The following NUBP2 variants were observed in gnomAD, a reference collection of about 807,000 sequenced individuals.
The protein encoded by NUBP2 is cytosolic Fe-S cluster assembly factor NUBP2.
Under a neutral mutation model 24.9 loss-of-function variants are expected in NUBP2, and 23 were observed. The observed-to-expected ratio is 0.92, with a 90% confidence interval of 0.66 to 1.31. The LOEUF (loss-of-function observed/expected upper bound fraction) is 1.31. Among genes scored for constraint, NUBP2 ranks in the 50% most tolerant of loss-of-function variants. The probability of loss-of-function intolerance (pLI) is 0.00; values close to 1 mark genes in which losing one functional copy is unlikely to be tolerated. For missense variants in NUBP2, 403 were observed against 386.5 expected (o/e 1.04, Z -0.36); for synonymous variants, 186 against 170.9 (o/e 1.09, Z -0.69).
chr16:1,783,220 C>T (rs1002479993), intron 1 of NUBP2, 184 bp downstream of exon 1: 6 of 1,166,536 alleles, frequency 5.1e-6, no homozygotes, highest in Non-Finnish European at 6.3e-6. Flanking sequence ...CCCGCGTGCT[C>T]CTGCTTCGAT....
chr16:1,785,895 G>A, intron 1 of NUBP2: 2 of 1,286,868 alleles, frequency 1.6e-6, no homozygotes, highest in South Asian at 2.5e-5. Flanking sequence ...CTCAGCGGTG[G>A]CGCCGGGGTG....
chr16:1,787,547 T>G, intron 3 of NUBP2, 130 bp from the exon 4 acceptor site: 1 of 1,225,964 alleles, frequency 8.2e-7, no homozygotes, highest in Non-Finnish European at 1.2e-6. Context: ...GAGCCTGTGA[T>G]GGAGGCTGGT....
intron 4 of NUBP2, 49 bp downstream of exon 4, chr16:1,787,880 G>C: frequency 6.2e-7 from 1 of 1,601,350 alleles, no homozygotes; most frequent in Non-Finnish European, 8.5e-7. Flanking sequence ...TTCCCAGAGG[G>C]CTGGGCGGGT....
intron 1 of NUBP2, 93 bp from the exon 2 acceptor site, chr16:1,786,444 A>C: frequency 9.0e-7 from 1 of 1,116,330 alleles, no homozygotes; most frequent in Non-Finnish European, 1.3e-6. Context: ...TGCCCCGCTC[A>C]GAACGTGGGT....
At chr16:1,787,651 C>G in intron 3 of NUBP2, 26 bp from the exon 4 acceptor site, 1 of 1,609,318 alleles carries the variant, frequency 6.2e-7, no homozygotes, top group Non-Finnish European at 8.5e-7. Context: ...CCTGCCCTGA[C>G]CGCCCCGTCT....
chr16:1,785,647 G>T (rs894482866), intron 1 of NUBP2: 2 of 1,288,534 alleles, frequency 1.6e-6, no homozygotes, highest in Non-Finnish European at 2.0e-6. Context: ...AGGAGTGTGG[G>T]GCTGGGGCTG....
At chr16:1,786,203 G>A in intron 1 of NUBP2, 2 of 371,944 alleles carry the variant, frequency 5.4e-6, no homozygotes, top group Admixed American at 4.2e-5. Flanking sequence ...TCATGATCAT[G>A]TGACCCACGT....
At chr16:1,785,989 G>A in intron 1 of NUBP2, 3 of 1,198,960 alleles carry the variant, frequency 2.5e-6, no homozygotes, top group East Asian at 5.8e-5. Flanking sequence ...GGAAGGAAGA[G>A]GAGCTGGAGC....
In NUBP2 at chr16:1,787,769, G is replaced by A. The variant is rs752629906; in HGVS notation, c.427G>A (p.Ala143Thr). Reference protein sequence around the residue: ...TPPGTSDEHMATIEALRPYQP... With the variant: ...TPPGTSDEHMTTIEALRPYQP... Reference sequence around the variant, plus strand: ...CCCGGGGACCTCCGATGAGCACATGGCCACCATAGAAGCCCTGCGTCCCTA... The same window carrying A: ...CCCGGGGACCTCCGATGAGCACATGACCACCATAGAAGCCCTGCGTCCCTA... The change falls in exon 4 of 7, where the codon GCC becomes ACC. Residue 143 changes from alanine (A) to threonine (T), a missense_variant. By Grantham distance (58) the Ala-to-Thr change is moderately conservative (BLOSUM62 0). Coordinates refer to ENST00000262302, the MANE Select transcript of NUBP2 (RefSeq NM_012225.4). The A allele has an allele frequency of 1.9e-6, 3 of 1,612,506 alleles. No homozygotes were observed. The highest frequency in any genetic ancestry group is 2.2e-5 in the South Asian group (2 of 91,090).
intron 1 of NUBP2, chr16:1,784,737 C>T (rs913349721): frequency 6.7e-6 from 1 of 149,562 alleles, no homozygotes; most frequent in African/African-American, 2.4e-5. Context: ...AAAATATGCA[C>T]ATAAAAATTC....
chr16:1,788,579 C>T lies in NUBP2; in HGVS notation c.681C>T (p.Pro227=), dbSNP rs909795390. The part of the protein sequence containing the change: ...LAGVPFLGSV[P]LDPALMRTLE... The stretch of plus-strand genomic sequence containing the variant: ...CACTGTGCCCTGCAGGCTCCGTGCC[C>T]CTGGACCCTGCGCTCATGAGGACCC... Residue 227 remains proline, a synonymous_variant, in exon 7 of 7, where the codon CCC becomes CCT. Transcript: ENST00000262302. 4 of 1,606,494 alleles carry T rather than the reference C, an allele frequency of 2.5e-6. No homozygotes were observed. Among genetic ancestry groups the T allele is most frequent in the Non-Finnish European group, 3.4e-6 (4 of 1,178,670 alleles).
At chr16:1,785,808 A>T in intron 1 of NUBP2, 1 of 1,289,038 alleles carries the variant, frequency 7.8e-7, no homozygotes, top group Non-Finnish European at 1.0e-6. Context: ...TTTACGCATC[A>T]TGTGTTGAGC....
At chr16:1,783,482 T>C (rs983246181) in intron 1 of NUBP2, 1 of 991,778 alleles carries the variant, frequency 1.0e-6, no homozygotes, top group Non-Finnish European at 1.2e-6. Context: ...TTTGTGGAAG[T>C]GGCGCTCTCA....
intron 6 of NUBP2, 66 bp downstream of exon 6, chr16:1,788,273 A>G (rs1249894088): frequency 2.9e-6 from 4 of 1,384,110 alleles, no homozygotes; most frequent in Admixed American, 3.0e-5. Context: ...GGCGGGTTTG[A>G]CCTCCATGCC....
chr16:1,788,108 G>A (rs748590850), intron 5 of NUBP2, 30 bp from the exon 6 acceptor site: 2 of 1,548,630 alleles, frequency 1.3e-6, no homozygotes, highest in Non-Finnish European at 8.7e-7. Context: ...GGGGGCTTTG[G>A]GCAGTGCTGG....
chr16:1,785,778 C>T (rs1003085610), intron 1 of NUBP2: 5 of 1,288,958 alleles, frequency 3.9e-6, no homozygotes, highest in African/African-American at 1.5e-5. Flanking sequence ...CCTTGAGAGG[C>T]GGATCAGAAG....
Position 1,788,871 on chromosome 16 carries a change from G to T in NUBP2, c.*157G>T, listed in dbSNP as rs1458729769. On this transcript the variant is annotated 3_prime_UTR_variant, in exon 7 of 7. Coordinates refer to ENST00000262302, the MANE Select transcript of NUBP2 (RefSeq NM_012225.4). Reference sequence around the variant, plus strand: ...TCCCCGACCAGCCCAGCCCCAGGATGTGTCGCACCAGCAGCTCTGCCTGGT... The same window carrying T: ...TCCCCGACCAGCCCAGCCCCAGGATTTGTCGCACCAGCAGCTCTGCCTGGT... The T allele has an allele frequency of 1.4e-5, 13 of 959,444 alleles. No homozygotes were observed. Among genetic ancestry groups the T allele is most frequent in the Non-Finnish European group, 1.9e-5 (13 of 674,094 alleles). 59.4% of individuals were successfully genotyped at this position (959,444 alleles called of 1,614,324 possible).
rs372592482 is a variant in NUBP2, at chr16:1,783,403, C to T, written c.16+367C>T. ...CCCGGGCAAGAGCGAGACCCTGTCTCTAAATAAATCACACGCGCGCAGTCA... is the reference window on the plus strand; with the variant it reads ...CCCGGGCAAGAGCGAGACCCTGTCTTTAAATAAATCACACGCGCGCAGTCA... On this transcript the variant is annotated intron_variant, in intron 1 of 6. Transcript: ENST00000262302. 3.2e-4 allele frequency: 336 copies of T among 1,044,768 alleles called. 4 individuals carry two copies. The East Asian group carries it at 0.015, about 46-fold the overall frequency. The allele number at this position is 1,044,768 out of a possible 1,614,324, so 64.7% of individuals were successfully genotyped here.
At position 1,785,043 on chromosome 16, in the gene NUBP2, C is replaced by A. The variant is rs1896896774; in HGVS notation, c.17-1494C>A. 13 of 967,350 alleles carry A rather than the reference C, an allele frequency of 1.3e-5. No individual in the cohort carries two copies. In the South Asian group the frequency reaches 3.3e-4, roughly 25 times the overall value. 59.9% of individuals were successfully genotyped at this position (967,350 alleles called of 1,614,324 possible). Reference sequence around the variant, plus strand: ...CTCCAGCCTGGGCGACAGAATGAGACCCCCTCTCAAAATAAAAATATACAT... The same window carrying A: ...CTCCAGCCTGGGCGACAGAATGAGAACCCCTCTCAAAATAAAAATATACAT... On this transcript the variant is annotated intron_variant, in intron 1 of 6. Transcript: ENST00000262302.
Sources: gnomAD v4.1 joint callset for allele counts on GRCh38, gnomAD v4.1.1 for gene constraint, MANE v1.5 for transcripts, NCBI Gene and HGNC (gene_info 2026-07-23, HGNC 2026-07-21) for gene names.